The following DNAH3 variants were observed in gnomAD, a reference collection of about 807,000 sequenced individuals.
The protein encoded by DNAH3 is axonemal beta dynein heavy chain 3.
DNAH3 carries 332 observed loss-of-function variants against 432.5 expected under a neutral mutation model. That is an observed-to-expected ratio of 0.77 (90% CI 0.70 to 0.84). The LOEUF is 0.84. DNAH3 is among the 40% of genes least tolerant of loss of function. The pLI is 0.00. For missense variants in DNAH3, 4,861 were observed against 5,114.0 expected (o/e 0.95, Z 1.51); for synonymous variants, 1,956 against 1,900.2 (o/e 1.03, Z -0.76).
intron 51 of DNAH3, among the ~76,000 whole-genome samples, chr16:20,970,431 G>C (rs1276233260): frequency 6.6e-6 from 1 of 152,186 alleles, no homozygotes; most frequent in African/African-American, 2.4e-5. Context: ...GGCTGAGGTA[G>C]AAGAATTGCC....
intron 18 of DNAH3, among the ~76,000 whole-genome samples, chr16:21,093,521 A>C (rs2091595174): frequency 6.6e-6 from 1 of 152,232 alleles, no homozygotes; most frequent in Non-Finnish European, 1.5e-5. Flanking sequence ...TATAGATTTA[A>C]AACATTTCCA....
intron 61 of DNAH3, among the ~76,000 whole-genome samples, chr16:20,934,804 T>G (rs571282211): frequency 6.6e-6 from 1 of 152,332 alleles, no homozygotes; most frequent in Admixed American, 6.5e-5. Context: ...TAACATTGTC[T>G]TCAAAGGCTA....
At chr16:21,077,959 C>A in intron 20 of DNAH3, among the ~76,000 whole-genome samples, 1 of 152,066 alleles carries the variant, frequency 6.6e-6, no homozygotes, top group East Asian at 1.9e-4. Flanking sequence ...GATATGCCTT[C>A]TCCCTTCTCT....
chr16:20,953,660 C>T (rs1020091826), intron 55 of DNAH3, among the ~76,000 whole-genome samples: 2 of 152,024 alleles, frequency 1.3e-5, no homozygotes, highest in East Asian at 3.9e-4. Flanking sequence ...CAGCCTCGAA[C>T]TCCCAGGCTC....
chr16:21,029,521 C>T (rs2088764859), intron 37 of DNAH3, among the ~76,000 whole-genome samples: 1 of 152,138 alleles, frequency 6.6e-6, no homozygotes, highest in South Asian at 2.1e-4. Flanking sequence ...CCCTACTTTA[C>T]AGATGATGAA....
chr16:20,963,411 G>A (rs1181057481), exon 53 of DNAH3: 10 of 1,614,072 alleles, frequency 6.2e-6, no homozygotes, highest in Admixed American at 3.3e-5. Context: ...GTTCAGCAAT[G>A]AACTCCCGGA....
chr16:21,062,491 A>T, exon 25 of DNAH3: 1 of 1,614,160 alleles, frequency 6.2e-7, no homozygotes, highest in Non-Finnish European at 8.5e-7. Context: ...CCTTGGCATT[A>T]GCTGGGTAGA....
intron 1 of DNAH3, among the ~76,000 whole-genome samples, chr16:21,148,422 T>TATC (rs1321922234): frequency 6.7e-6 from 1 of 149,122 alleles, no homozygotes; most frequent in Non-Finnish European, 1.5e-5. Context: ...GTGACTTATT[T>TATC]ATTATTATTA....
At chr16:20,989,966 GA>G (rs2086469124) in intron 44 of DNAH3, among the ~76,000 whole-genome samples, 1 of 152,222 alleles carries the variant, frequency 6.6e-6, no homozygotes, top group Non-Finnish European at 1.5e-5. Context: ...CGCCCACCCG[GA>G]ACTCCAGCTG....
At position 21,111,641 on chromosome 16, in the gene DNAH3, C is replaced by T. The variant is rs754186361; in HGVS notation, c.2084G>A (p.Arg695Gln). 18 of 1,612,072 alleles carry T rather than the reference C, an allele frequency of 1.1e-5. No homozygotes were observed. The South Asian group carries it at 1.3e-4, about 12-fold the overall frequency. The change falls in exon 14 of 62, where the codon CGA becomes CAA. Residue 695 changes from arginine to glutamine, a missense_variant. By Grantham distance (43) the Arg-to-Gln change is conservative (BLOSUM62 1). Coordinates refer to ENST00000261383, the Ensembl canonical transcript of DNAH3. ...ATTACAATACCTGGTATTGGTGTCT[C>T]GGTTTACATCCACTTGGAATTGAAT...
At chr16:21,073,571 G>A (rs2090870374) in intron 21 of DNAH3, among the ~76,000 whole-genome samples, 1 of 152,150 alleles carries the variant, frequency 6.6e-6, no homozygotes, top group Admixed American at 6.5e-5. Context: ...TTGATTTGCT[G>A]AGTATTTTGA....
At chr16:21,050,431 A>C (rs1209427883) in intron 29 of DNAH3, among the ~76,000 whole-genome samples, 1 of 152,152 alleles carries the variant, frequency 6.6e-6, no homozygotes, top group Non-Finnish European at 1.5e-5. Context: ...TTCTCCAACT[A>C]GATTATGAAT....
At chr16:21,066,371 CT>C (rs1555545270) in intron 24 of DNAH3, among the ~76,000 whole-genome samples, 2 of 150,486 alleles carry the variant, frequency 1.3e-5, no homozygotes, top group South Asian at 4.2e-4. Context: ...TAACCTTCTC[CT>C]TTTTTTTTAT....
intron 52 of DNAH3, among the ~76,000 whole-genome samples, chr16:20,969,120 GTT>G (rs1491368541): frequency 8.1e-4 from 106 of 131,190 alleles, no homozygotes; most frequent in African/African-American, 2.8e-3. Context: ...GTGTGTGTGT[GTT>G]TCCCTGTCTC....
At chr16:20,935,358 A>C (rs559395952) in exon 61 of DNAH3, 1 of 1,613,918 alleles carries the variant, frequency 6.2e-7, no homozygotes, top group African/African-American at 1.3e-5. Context: ...CTCAAACTCA[A>C]ATCCAATGTG....
At chr16:21,120,163 G>A (rs369593872) in intron 11 of DNAH3, among the ~76,000 whole-genome samples, 2 of 145,064 alleles carry the variant, frequency 1.4e-5, no homozygotes, top group South Asian at 4.3e-4. Context: ...GAGTGCAATG[G>A]TGCAATCATA....
At chr16:20,964,992 C>T (rs1282161953) in exon 53 of DNAH3, 1 of 1,614,182 alleles carries the variant, frequency 6.2e-7, no homozygotes, top group Admixed American at 1.7e-5. Context: ...CTGCCCTGAC[C>T]AGCTTTTGGG....
intron 12 of DNAH3, among the ~76,000 whole-genome samples, chr16:21,116,729 T>G (rs1405845425): frequency 6.6e-6 from 1 of 152,224 alleles, no homozygotes; most frequent in African/African-American, 2.4e-5. Context: ...CAAAAAGTTC[T>G]GAAAACAGAC....
intron 53 of DNAH3, among the ~76,000 whole-genome samples, chr16:20,961,239 T>C (rs1460314122): frequency 6.6e-6 from 1 of 152,120 alleles, no homozygotes; most frequent in Non-Finnish European, 1.5e-5. Flanking sequence ...AATGTAACTG[T>C]TCAGTAGTTG....
Sources: allele counts gnomAD v4.1 joint callset (sites outside exome capture counted in the v4.1 genomes callset), GRCh38; gene constraint gnomAD v4.1.1; transcripts MANE v1.5; gene names NCBI Gene and HGNC (gene_info 2026-07-23, HGNC 2026-07-21).